The following PCID2 variants were observed in gnomAD, a reference collection of about 807,000 sequenced individuals.
PCID2 encodes PCI domain-containing protein 2.
Under a neutral mutation model 61.3 loss-of-function variants are expected in PCID2, and 41 were observed. The observed-to-expected ratio is 0.67, with a 90% CI of 0.52 to 0.87. The LOEUF is 0.87. Among genes scored for constraint, PCID2 ranks in the 40% least tolerant of loss-of-function variants. The pLI, the probability that PCID2 is intolerant of heterozygous loss-of-function variation, is 0.00. For synonymous variants in PCID2, 187 were observed against 177.8 expected (o/e 1.05, Z -0.41); for missense variants, 392 against 493.4 (o/e 0.79, Z 1.95).
the PCID2 span, among the ~76,000 whole-genome samples, chr13:113,166,935 A>T: frequency 6.6e-6 from 1 of 152,214 alleles, no homozygotes; most frequent in South Asian, 2.1e-4. Context: ...ATAACCAGGG[A>T]GGAGGCATTC....
At chr13:113,189,763 C>T (rs1404944523) in intron 7 of PCID2, among the ~76,000 whole-genome samples, 1 of 151,338 alleles carries the variant, frequency 6.6e-6, no homozygotes, top group East Asian at 1.9e-4. Context: ...TGGCTCACGC[C>T]TATAATCCCA....
At chr13:113,183,763 G>GT in intron 9 of PCID2, 2 of 984,922 alleles carry the variant, frequency 2.0e-6, no homozygotes, top group Non-Finnish European at 2.4e-6. Context: ...AAGAAGACTA[G>GT]TTTCCTGTTC....
the PCID2 span, among the ~76,000 whole-genome samples, chr13:113,169,025 G>A: frequency 6.6e-6 from 1 of 152,138 alleles, no homozygotes; most frequent in Non-Finnish European, 1.5e-5. Context: ...CACCATGCCT[G>A]GCCCATTATT....
chr13:113,165,221 C>T, the PCID2 span: 4 of 1,275,336 alleles, frequency 3.1e-6, no homozygotes, highest in African/African-American at 4.4e-5. Context: ...AATCAGGCAT[C>T]CTGACTTTGA....
the PCID2 span, among the ~76,000 whole-genome samples, chr13:113,171,167 C>T: frequency 1.2e-4 from 18 of 152,184 alleles, no homozygotes; most frequent in Non-Finnish European, 1.9e-4. The surrounding 1 kb of genome is among the most constrained non-coding windows in gnomAD (Gnocchi z 5.1). Context: ...AAGTGATCGA[C>T]CTGCCTCGGC....
At chr13:113,185,257 C>A (rs1035056997) in intron 8 of PCID2, among the ~76,000 whole-genome samples, 2 of 152,180 alleles carry the variant, frequency 1.3e-5, no homozygotes, top group African/African-American at 4.8e-5. Flanking sequence ...GGGCTGGGAG[C>A]GCTAACCTCA....
downstream of PCID2, among the ~76,000 whole-genome samples, chr13:113,175,961 G>A (rs1010822798): frequency 7.2e-5 from 11 of 152,242 alleles, no homozygotes; most frequent in Non-Finnish European, 1.5e-4. Flanking sequence ...GCCAATACAC[G>A]GGAATGAGTC....
chr13:113,193,860 C>T (rs553867665), intron 6 of PCID2, among the ~76,000 whole-genome samples: 1 of 152,272 alleles, frequency 6.6e-6, no homozygotes, highest in South Asian at 2.1e-4. Flanking sequence ...TCACATAATT[C>T]CAACATTTGT....
At chr13:113,204,822 C>T (rs949037595) in intron 1 of PCID2, among the ~76,000 whole-genome samples, 1 of 152,180 alleles carries the variant, frequency 6.6e-6, no homozygotes, top group Non-Finnish European at 1.5e-5. Context: ...GGACACAGGA[C>T]CCCTAGCAGC....
At chr13:113,190,000 G>A (rs2038466252) in intron 7 of PCID2, among the ~76,000 whole-genome samples, 1 of 146,638 alleles carries the variant, frequency 6.8e-6, no homozygotes, top group East Asian at 2.0e-4. Flanking sequence ...TCCAGCCTGG[G>A]CGACAGAGCA....
At chr13:113,171,185 A>G in the PCID2 span, among the ~76,000 whole-genome samples, 1 of 152,192 alleles carries the variant, frequency 6.6e-6, no homozygotes, top group Non-Finnish European at 1.5e-5. This position sits in a 1 kb window ranked among gnomAD's most constrained non-coding sequence, Gnocchi z 5.1. Flanking sequence ...GGCCTCCCGA[A>G]GCGCTGGGAT....
rs1456799405 is a variant in PCID2, at chr13:113,178,189, C to T, written c.*9G>A. On this transcript the variant is annotated 3_prime_UTR_variant, in exon 14 of 14. Coordinates refer to ENST00000337344, the MANE Select transcript of PCID2 (RefSeq NM_001127202.4). ...AACTGCTCACCCGTCCTCGGGGCTC[C>T]GTGTACTTTCAACACACCGTGGACA... The T allele has an allele frequency of 2.5e-6, 4 of 1,606,816 alleles. No individual in the cohort carries two copies. Among genetic ancestry groups the T allele is most frequent in the Non-Finnish European group, 3.4e-6 (4 of 1,173,708 alleles).
At chr13:113,205,943 A>G (rs1163992743) in intron 1 of PCID2, among the ~76,000 whole-genome samples, 2 of 152,250 alleles carry the variant, frequency 1.3e-5, no homozygotes, top group Non-Finnish European at 2.9e-5. Flanking sequence ...GTTAAATGGT[A>G]TATTTTAAGT....
At chr13:113,184,710 G>T (rs1264034921) in intron 8 of PCID2, among the ~76,000 whole-genome samples, 5 of 152,214 alleles carry the variant, frequency 3.3e-5, no homozygotes, top group African/African-American at 1.2e-4. Context: ...AGGAGCCCAT[G>T]CTGGTGGAGG....
intron 9 of PCID2, among the ~76,000 whole-genome samples, chr13:113,183,215 C>T (rs968486168): frequency 1.1e-4 from 16 of 152,054 alleles, no homozygotes; most frequent in Admixed American, 9.2e-4. Flanking sequence ...TATAGTCAAA[C>T]GAAAGGGTTG....
chr13:113,175,975 T>A (rs1215541722), downstream of PCID2, among the ~76,000 whole-genome samples: 1 of 152,200 alleles, frequency 6.6e-6, no homozygotes, highest in Non-Finnish European at 1.5e-5. Flanking sequence ...ATGAGTCACC[T>A]TCAAAGAGGC....
rs774382856 is a variant in PCID2 at position 113,184,403 on chromosome 13, C to T, written c.628G>A (p.Val210Ile). Residue 210 changes from valine to isoleucine, a missense_variant, in exon 9 of 14, where the codon GTA becomes ATA. This residue lies in a region of PCID2 where 226 missense variants were observed against 296.5 expected (regional missense o/e 0.76). Coordinates refer to ENST00000337344, the MANE Select transcript of PCID2 (RefSeq NM_001127202.4). Reference sequence around the variant, plus strand: ...CGTCCAACGTAGTATTTGTATGTTACTCTCTGTGCAGTGCTGTAATCGTCT... The same window carrying T: ...CGTCCAACGTAGTATTTGTATGTTATTCTCTGTGCAGTGCTGTAATCGTCT... Reference protein sequence around the residue: ...LKDDYSTAQRVTYKYYVGRKA... With the variant: ...LKDDYSTAQRITYKYYVGRKA... 10 of 1,611,530 alleles carry T rather than the reference C, an allele frequency of 6.2e-6. No homozygotes were observed.
downstream of PCID2, among the ~76,000 whole-genome samples, chr13:113,174,625 C>T (rs549718342): frequency 1.4e-4 from 21 of 152,290 alleles, 1 homozygote; most frequent in South Asian, 4.1e-3. Flanking sequence ...CTCCTGACTA[C>T]AGGTGTGGAC....
At chr13:113,180,968 G>A (rs1383232644) in intron 10 of PCID2, among the ~76,000 whole-genome samples, 162 bp downstream of exon 10, 1 of 152,172 alleles carries the variant, frequency 6.6e-6, no homozygotes, top group Non-Finnish European at 1.5e-5. Context: ...CTCTGGGTTT[G>A]GGCCACACAC....
Sources: allele counts gnomAD v4.1 joint callset (sites outside exome capture counted in the v4.1 genomes callset), GRCh38; gene constraint gnomAD v4.1.1; regional missense constraint gnomAD v4.1.1; non-coding constraint Gnocchi (gnomAD v3.1); transcripts MANE v1.5; gene names NCBI Gene and HGNC (gene_info 2026-07-23, HGNC 2026-07-21).